Variants in SLC6A13 observed in about 807,000 individuals in gnomAD.
SLC6A13 encodes solute carrier family 6 member 13.
A neutral mutation model predicts 72.9 loss-of-function variants in SLC6A13; 69 were observed. That is an observed-to-expected ratio of 0.95 (90% CI 0.78 to 1.16). The LOEUF (loss-of-function observed/expected upper bound fraction) is 1.16. Among genes scored for constraint, SLC6A13 ranks in the 50% most tolerant of loss-of-function variants. SLC6A13 has a pLI of 0.00. For missense variants in SLC6A13, 735 were observed against 760.5 expected, an observed-to-expected ratio of 0.97 and a Z score of 0.39; for synonymous variants, 303 against 303.0, an observed-to-expected ratio of 1.00 and a Z score of 0.00.
At chr12:226,665 A>C in intron 8 of SLC6A13, 151 bp from the exon 9 acceptor site, 1 of 929,598 alleles carries the variant, frequency 1.1e-6, no homozygotes, top group Non-Finnish European at 1.5e-6. Context: ...GGCAGAATTC[A>C]GAGGACCACG....
At chr12:242,034 G>A (rs1942184728) in intron 4 of SLC6A13, among the ~76,000 whole-genome samples, 1 of 152,220 alleles carries the variant, frequency 6.6e-6, no homozygotes, top group Non-Finnish European at 1.5e-5. Flanking sequence ...GGTGTGCGAT[G>A]GGCTGGGCCA....
In SLC6A13 at chr12:254,999, C is replaced by T. The variant is rs1942690244; in HGVS notation, c.202+4852G>A. 6.6e-6 allele frequency among the ~76,000 whole-genome samples: 1 copy of T among 151,940 alleles called. No individual in the cohort carries two copies. Among genetic ancestry groups the T allele is most frequent in the African/African-American group, 2.4e-5 (1 of 41,350 alleles). ...CCCTCTCTATTAAAAACAACAACAACAACAAAACAAAACACAAAACCTTGC... is the reference window on the plus strand; with the variant it reads ...CCCTCTCTATTAAAAACAACAACAATAACAAAACAAAACACAAAACCTTGC... On this transcript the variant is annotated intron_variant, in intron 2 of 14. Coordinates refer to ENST00000343164, the MANE Select transcript of SLC6A13 (RefSeq NM_016615.5). The surrounding 1 kb of genome is among the most constrained non-coding windows in gnomAD (Gnocchi z 4.4).
At chr12:225,187 C>T (rs1941392947) in intron 9 of SLC6A13, among the ~76,000 whole-genome samples, 1 of 152,224 alleles carries the variant, frequency 6.6e-6, no homozygotes, top group Non-Finnish European at 1.5e-5. Flanking sequence ...ATGGGAAGTT[C>T]CTCTGAAGAG....
chr12:258,740 G>A (rs1942828344), intron 2 of SLC6A13, among the ~76,000 whole-genome samples: 1 of 152,204 alleles, frequency 6.6e-6, no homozygotes, highest in Non-Finnish European at 1.5e-5. Flanking sequence ...TCACTGCTGT[G>A]GGGATAGCAG....
Position 254,729 on chromosome 12 carries a change from C to T in SLC6A13, c.202+5122G>A, listed in dbSNP as rs2137317423. On this transcript the variant is annotated intron_variant, in intron 2 of 14. Transcript: ENST00000343164. This position sits in a 1 kb window ranked among gnomAD's most constrained non-coding sequence, Gnocchi z 4.4. ...ATGATCCCCAAATACACACCTCCAG[C>T]CAGATCTCTCTCACAAACCCCAAAC... Among the ~76,000 whole-genome samples the T allele has an allele frequency of 6.6e-6, 1 of 152,332 alleles. No homozygotes were observed. Among genetic ancestry groups the T allele is most frequent in the Middle Eastern group, 3.4e-3 (1 of 294 alleles).
chr12:259,967 G>C lies in SLC6A13; in HGVS notation c.86C>G (p.Thr29Ser). The change falls in exon 2 of 15, where the codon ACC (threonine) becomes AGC (serine). Residue 29 changes from threonine (T) to serine (S), a missense_variant. Transcript: ENST00000343164. Reference sequence around the variant, plus strand: ...GTTGTTCCAGTGCCCCCGCTCCAGGGTGCCATCTTCCTCCTTCTTTTCCAT... The same window carrying C: ...GTTGTTCCAGTGCCCCCGCTCCAGGCTGCCATCTTCCTCCTTCTTTTCCAT... ...PVMEKKEEDGTLERGHWNNKM... is the reference protein window; with the variant it reads ...PVMEKKEEDGSLERGHWNNKM... 1 of 1,614,158 alleles carries C rather than the reference G, an allele frequency of 6.2e-7. No homozygotes were observed.
Position 223,190 on chromosome 12 carries a change from A to ACT in SLC6A13, c.1354_1355dup (p.Ser452ArgfsTer33). The ACT allele has an allele frequency of 6.2e-7, 1 of 1,614,030 alleles. No individual in the cohort carries two copies. The highest frequency in any genetic ancestry group is 1.7e-5 in the Admixed American group (1 of 60,020). ...TGGCCACGAACAGGAGGCACATGCCACTGGCCGCATAGTAGTCAAAGAGCT... is the reference window on the plus strand; with the variant it reads ...TGGCCACGAACAGGAGGCACATGCCACTCTGGCCGCATAGTAGTCAAAGAGCT... On this transcript the variant is annotated frameshift_variant, in exon 12 of 15. Coordinates refer to ENST00000343164, the MANE Select transcript of SLC6A13 (RefSeq NM_016615.5). LOFTEE classifies it high-confidence loss of function.
intron 2 of SLC6A13, among the ~76,000 whole-genome samples, chr12:253,939 G>A (rs747499581): frequency 1.5e-4 from 23 of 152,152 alleles, no homozygotes; most frequent in Non-Finnish European, 2.6e-4. Flanking sequence ...GTTGGCAGAC[G>A]GTTTTTTCAT....
rs577092728 is a variant in SLC6A13 at position 245,616 on chromosome 12, G to T, written c.203-1803C>A. Among the ~76,000 whole-genome samples, 14 of 151,946 alleles carry T rather than the reference G, an allele frequency of 9.2e-5. No homozygotes were observed. In the East Asian group the frequency reaches 2.5e-3, roughly 27 times the overall value. ...AATTGCTTGAACCTGGGAGGCAGAG[G>T]TTGCAGTGAGCCGAGATCGTGCCAC... is the stretch of plus-strand genomic sequence containing the variant. On this transcript the variant is annotated intron_variant, in intron 2 of 14. Transcript: ENST00000343164.
At chr12:257,792 T>G (rs1473864002) in intron 2 of SLC6A13, among the ~76,000 whole-genome samples, 1 of 152,138 alleles carries the variant, frequency 6.6e-6, no homozygotes, top group Non-Finnish European at 1.5e-5. Flanking sequence ...TCCCCTCCAC[T>G]TTCCCCTGTC....
chr12:243,891 C>A, intron 2 of SLC6A13, 78 bp from the exon 3 acceptor site: 1 of 1,393,232 alleles, frequency 7.2e-7, no homozygotes, highest in Non-Finnish European at 9.9e-7. Flanking sequence ...CCATTACCAA[C>A]CCATACTGCC....
intron 13 of SLC6A13, 140 bp downstream of exon 13, chr12:222,392 C>A: frequency 1.7e-6 from 1 of 572,132 alleles, no homozygotes; most frequent in Admixed American, 3.3e-5. Context: ...TTTCTAGAAT[C>A]CAAAAGGAGG....
intron 4 of SLC6A13, among the ~76,000 whole-genome samples, chr12:241,160 C>T (rs777642076): frequency 3.9e-5 from 6 of 152,054 alleles, no homozygotes; most frequent in African/African-American, 9.6e-5. Context: ...AAAAATTAGC[C>T]GGGCGTGTTG....
At chr12:253,876 C>G (rs1377290915) in intron 2 of SLC6A13, 2 of 152,274 alleles carry the variant, frequency 1.3e-5, no homozygotes, top group African/African-American at 4.8e-5. Flanking sequence ...GCACGGGTAA[C>G]TTCTGCCCCG....
rs757526613 is a variant in SLC6A13 at position 227,608 on chromosome 12, T to C, written c.892A>G (p.Thr298Ala). The change falls in exon 8 of 15, where the codon ACA becomes GCA. Residue 298 changes from threonine (T) to alanine (A), a missense_variant. Transcript: ENST00000343164. ...FSFAICLGCL[T>A]ALGSYNKYHN... is the part of the protein sequence containing the mutation. ...TACTTGTTGTAGCTGCCCAGGGCTG[T>C]CAGGCACCCAAGACAGATGGCGAAG... 4.3e-6 allele frequency: 7 copies of C among 1,613,830 alleles called. No homozygotes were observed. The East Asian group carries it at 1.6e-4, about 36-fold the overall frequency.
At chr12:258,913 G>A (rs2137324971) in intron 2 of SLC6A13, 1 of 985,204 alleles carries the variant, frequency 1.0e-6, no homozygotes, top group Non-Finnish European at 1.2e-6. Context: ...GGCTTAGGGA[G>A]CCTCACCGTG....
chr12:247,435 T>C (rs1942394198), intron 2 of SLC6A13, among the ~76,000 whole-genome samples: 1 of 152,160 alleles, frequency 6.6e-6, no homozygotes, highest in Admixed American at 6.5e-5. Context: ...AGGAAGCACA[T>C]TTGCTGAAGC....
rs541667917 is a variant in SLC6A13 at position 225,962 on chromosome 12, T to C, written c.1060+428A>G. 2.0e-5 allele frequency among the ~76,000 whole-genome samples: 3 copies of C among 152,348 alleles called. No individual in the cohort carries two copies. The South Asian group carries it at 6.2e-4, about 32-fold the overall frequency. On this transcript the variant is annotated intron_variant, in intron 9 of 14. Coordinates refer to ENST00000343164, the MANE Select transcript of SLC6A13 (RefSeq NM_016615.5). ...GATGGAAACTTCGCCTTGAGATTCA[T>C]TTTATAGTGAACAAAACGAGGCCAG...
chr12:237,610 G>C (rs1941983137), intron 5 of SLC6A13, among the ~76,000 whole-genome samples: 1 of 152,118 alleles, frequency 6.6e-6, no homozygotes, highest in Non-Finnish European at 1.5e-5. Flanking sequence ...ACTGGGGGGA[G>C]GGGGTGGGTC....
Sources: gnomAD v4.1 joint callset for allele counts (sites outside exome capture counted in the v4.1 genomes callset) on GRCh38, gnomAD v4.1.1 for gene constraint, Gnocchi (gnomAD v3.1) non-coding constraint, MANE v1.5 for transcripts, NCBI Gene and HGNC (gene_info 2026-07-23, HGNC 2026-07-21) for gene names.